The following ASB16 variants were observed in gnomAD, a reference collection of about 807,000 sequenced individuals.
The protein encoded by ASB16 is ankyrin repeat and SOCS box protein 16.
Under a neutral mutation model 39.1 loss-of-function variants are expected in ASB16, and 44 were observed. The observed-to-expected ratio is 1.13, with a 90% CI of 0.88 to 1.45. The LOEUF (loss-of-function observed/expected upper bound fraction) is 1.45, where lower values mean the gene tolerates loss of function less well. Ranked by LOEUF, ASB16 falls within the 40% of genes most tolerant of loss-of-function variation. ASB16 has a pLI of 0.00. For synonymous variants in ASB16, 305 were observed against 286.7 expected, an observed-to-expected ratio of 1.06 and a Z score of -0.64; for missense variants, 698 against 634.5, an observed-to-expected ratio of 1.10 and a Z score of -1.07.
Position 44,177,147 on chromosome 17 carries a change from G to A in ASB16, c.979G>A (p.Ala327Thr). 6.6e-7 allele frequency: 1 copy of A among 1,518,654 alleles called. No homozygotes were observed. The allele number at this position is 1,518,654 out of a possible 1,614,324, so 94.1% of individuals were successfully genotyped here. A position where few individuals can be genotyped will look rare whatever the true frequency, so the allele number is the denominator to read the frequency against. Reference protein sequence around the residue: ...GHTPMDCALQAVQDSPNWEPE... With the variant: ...GHTPMDCALQTVQDSPNWEPE... ...CACGCCCATGGACTGTGCGCTGCAG[G>A]CCGTCCAGGACTCCCCCAACTGGGA... The change falls in exon 3 of 5, where the codon GCC becomes ACC. Residue 327 changes from alanine (A) to threonine (T), a missense_variant. Ala to Thr is a moderately conservative substitution (Grantham distance 58). Coordinates refer to ENST00000293414, the MANE Select transcript of ASB16 (RefSeq NM_080863.5).
intron 1 of ASB16, among the ~76,000 whole-genome samples, 175 bp from the exon 2 acceptor site, chr17:44,171,871 C>T (rs1317563840): frequency 6.6e-6 from 1 of 152,068 alleles, no homozygotes; most frequent in Non-Finnish European, 1.5e-5. Flanking sequence ...CCAATTTATT[C>T]TTCCACTTCA....
intron 1 of ASB16, among the ~76,000 whole-genome samples, chr17:44,171,692 C>A (rs1328742802): frequency 6.6e-6 from 1 of 152,072 alleles, no homozygotes; most frequent in Non-Finnish European, 1.5e-5. Flanking sequence ...CCACCCCAGG[C>A]CCCAAGGTGA....
At position 44,178,471 on chromosome 17, in the gene ASB16, C is replaced by A. The variant is rs2054333253; in HGVS notation, c.*81C>A. 1 of 1,387,730 alleles carries A rather than the reference C, an allele frequency of 7.2e-7. No individual in the cohort carries two copies. Among genetic ancestry groups the A allele is most frequent in the Non-Finnish European group, 9.7e-7 (1 of 1,033,610 alleles). The allele number at this position is 1,387,730 out of a possible 1,614,324, so 86.0% of individuals were successfully genotyped here. A position where few individuals can be genotyped will look rare whatever the true frequency, so the allele number is the denominator to read the frequency against. On this transcript the variant is annotated 3_prime_UTR_variant, in exon 5 of 5. Transcript: ENST00000293414. ...CCAACTGCGGAGGACCAGTTCCTGG[C>A]CCTCTTTTCTTTTCTTTTTGAGACC...
chr17:44,172,163 G>T lies in ASB16; in HGVS notation c.419G>T (p.Arg140Leu). ...LIRQGAELDA[R>L]VGGRAALHEA... ...CGGCAGGGAGCTGAGCTGGATGCCC[G>T]TGTCGGGGGTCGCGCTGCCTTGCAT... The change falls in exon 2 of 5, where the codon CGT becomes CTT. Residue 140 changes from arginine (R) to leucine (L), a missense_variant. Arg to Leu is a moderately radical substitution (Grantham distance 102). Coordinates refer to ENST00000293414, the MANE Select transcript of ASB16 (RefSeq NM_080863.5). The T allele has an allele frequency of 6.2e-7, 1 of 1,612,244 alleles. No individual in the cohort carries two copies. The highest frequency in any genetic ancestry group is 2.2e-5 in the East Asian group (1 of 44,874).
chr17:44,177,510 C>A, intron 3 of ASB16, 99 bp from the exon 4 acceptor site: 1 of 1,445,906 alleles, frequency 6.9e-7, no homozygotes, highest in South Asian at 1.3e-5. Flanking sequence ...GACCTTAGCC[C>A]CCCAGATTAG....
Position 44,170,907 on chromosome 17 carries a change from A to G in ASB16, c.118A>G (p.Arg40Gly), listed in dbSNP as rs748110246. ...RAAAQQCRSR[R>G]CPSSPRARLT... Reference sequence around the variant, plus strand: ...GGCTGCCCAGCAGTGCCGGAGCCGCAGGTGCCCGTCAAGTCCCCGGGCCCG... The same window carrying G: ...GGCTGCCCAGCAGTGCCGGAGCCGCGGGTGCCCGTCAAGTCCCCGGGCCCG... Residue 40 changes from arginine (R) to glycine (G), a missense_variant, in exon 1 of 5, where the codon AGG becomes GGG. By Grantham distance (125) the Arg-to-Gly change is moderately radical (BLOSUM62 -2). Transcript: ENST00000293414. The G allele has an allele frequency of 6.2e-7, 1 of 1,612,386 alleles. No homozygotes were observed. The highest frequency in any genetic ancestry group is 1.7e-5 in the Admixed American group (1 of 59,982).
chr17:44,177,389 GGAGA>G (rs946714348), intron 3 of ASB16, 159 bp downstream of exon 3: 7 of 1,225,522 alleles, frequency 5.7e-6, no homozygotes, highest in Admixed American at 5.9e-5. Context: ...GAGGATTCTG[GGAGA>G]GAGAGTCCAA....
At position 44,177,862 on chromosome 17, in the gene ASB16, A is replaced by C. The variant is rs906279693; in HGVS notation, c.1176+140A>C. On this transcript the variant is annotated intron_variant, in intron 4 of 4. Coordinates refer to ENST00000293414, the MANE Select transcript of ASB16 (RefSeq NM_080863.5). Reference sequence around the variant, plus strand: ...GAGTGGCACCCCTGGGTTTCAGGGTACCCCCTCCCCCGGTACCCCAGGCTG... The same window carrying C: ...GAGTGGCACCCCTGGGTTTCAGGGTCCCCCCTCCCCCGGTACCCCAGGCTG... 8.9e-5 allele frequency: 112 copies of C among 1,258,578 alleles called. 1 individual carries two copies. Among genetic ancestry groups the C allele is most frequent in the Non-Finnish European group, 1.1e-4 (104 of 923,740 alleles). 78.0% of individuals were successfully genotyped at this position (1,258,578 alleles called of 1,614,324 possible).
rs770668467 is a variant in ASB16, at chr17:44,176,680, G to A, written c.570-58G>A. 3.1e-6 allele frequency: 5 copies of A among 1,613,082 alleles called. No homozygotes were observed. The Admixed American group carries it at 6.7e-5, about 22-fold the overall frequency. ...GAAAGGCAAGGGAGTGTCACAGCAA[G>A]CTGAAGGGGTCCCAAGCCTTCAGGA... On this transcript the variant is annotated intron_variant, in intron 2 of 4. Coordinates refer to ENST00000293414, the MANE Select transcript of ASB16 (RefSeq NM_080863.5).
Position 44,178,639 on chromosome 17 carries a change from A to C in ASB16, c.*249A>C. ...AGGCATGAGTCACCACACCTGGCTG[A>C]TTTTGTATTTTTAGTAGAGACAGGG... On this transcript the variant is annotated 3_prime_UTR_variant, in exon 5 of 5. Coordinates refer to ENST00000293414, the MANE Select transcript of ASB16 (RefSeq NM_080863.5). 2 of 516,452 alleles carry C rather than the reference A, an allele frequency of 3.9e-6. No homozygotes were observed. The highest frequency in any genetic ancestry group is 4.6e-5 in the South Asian group (2 of 43,564). 32.0% of individuals were successfully genotyped at this position (516,452 alleles called of 1,614,324 possible).
Position 44,178,211 on chromosome 17 carries a change from G to A in ASB16, c.1183G>A (p.Glu395Lys), listed in dbSNP as rs573677324. The A allele has an allele frequency of 1.2e-6, 2 of 1,613,088 alleles. No homozygotes were observed. The highest frequency in any genetic ancestry group is 1.7e-6 in the Non-Finnish European group (2 of 1,180,004). The change falls in exon 5 of 5, where the codon GAA (glutamate) becomes AAA (lysine). Residue 395 changes from glutamate to lysine, a missense_variant. Physicochemically the swap from Glu to Lys is moderately conservative, Grantham distance 56. Coordinates refer to ENST00000293414, the MANE Select transcript of ASB16 (RefSeq NM_080863.5). Reference protein sequence around the residue: ...AVLPELWKEHEAFYSSALCMV... With the variant: ...AVLPELWKEHKAFYSSALCMV... Reference sequence around the variant, plus strand: ...TCTTTCACTCCTGGCCTAGGAGCACGAAGCCTTCTACAGCTCGGCCCTGTG... The same window carrying A: ...TCTTTCACTCCTGGCCTAGGAGCACAAAGCCTTCTACAGCTCGGCCCTGTG...
Position 44,177,648 on chromosome 17 carries a change from G to C in ASB16, c.1102G>C (p.Val368Leu). Residue 368 changes from valine to leucine, a missense_variant, in exon 4 of 5, where the codon GTC becomes CTC. Coordinates refer to ENST00000293414, the MANE Select transcript of ASB16 (RefSeq NM_080863.5). ...CGCCAACTTCCCTCGGGCCCTGGAA[G>C]TCCTGCTTAATGCCTATCCTTGTGT... ...HCANFPRALE[V>L]LLNAYPCVPS... The C allele has an allele frequency of 6.2e-7, 1 of 1,613,950 alleles. No homozygotes were observed. Among genetic ancestry groups the C allele is most frequent in the South Asian group, 1.1e-5 (1 of 91,082 alleles).
In ASB16 at chr17:44,177,008, C is replaced by A; in HGVS notation, c.840C>A (p.Ala280=). 2 of 1,488,722 alleles carry A rather than the reference C, an allele frequency of 1.3e-6. No individual in the cohort carries two copies. Among genetic ancestry groups the A allele is most frequent in the Non-Finnish European group, 1.8e-6 (2 of 1,131,926 alleles). The allele number at this position is 1,488,722 out of a possible 1,614,324, so 92.2% of individuals were successfully genotyped here. The change falls in exon 3 of 5, where the codon GCC becomes GCA. Residue 280 remains alanine, a synonymous_variant. Transcript: ENST00000293414. ...AGGCTGGAGCTGATGCCCGGGCGGC[C>A]GGGCGCAAGCGCCACACGCCGCTGC... is the stretch of plus-strand genomic sequence containing the variant. ...LLEAGADARA[A]GRKRHTPLHN...
rs752107616 is a variant in ASB16, at chr17:44,170,881, C to T, written c.92C>T (p.Ala31Val). 3.0e-5 allele frequency: 48 copies of T among 1,610,632 alleles called. No individual in the cohort carries two copies. Among genetic ancestry groups the T allele is most frequent in the African/African-American group, 5.3e-5 (4 of 74,872 alleles). ...EWLEWEDRRR[A>V]AAQQCRSRRC... ...CTGGAATGGGAGGACCGGCGGCGGG[C>T]GGCTGCCCAGCAGTGCCGGAGCCGC... Residue 31 changes from alanine to valine, a missense_variant, in exon 1 of 5, where the codon GCG (alanine) becomes GTG (valine). Ala to Val is a moderately conservative substitution (Grantham distance 64). Transcript: ENST00000293414.
At position 44,171,101 on chromosome 17, in the gene ASB16, CCAGAAGAGGG is replaced by C. The variant is rs763637962; in HGVS notation, c.301+21_301+30del. On this transcript the variant is annotated intron_variant, in intron 1 of 4. Coordinates refer to ENST00000293414, the MANE Select transcript of ASB16 (RefSeq NM_080863.5). Reference sequence around the variant, plus strand: ...GGTCGGCTGAACAGGGTAGGGGGCACCAGAAGAGGGCAGAAGAGGAGGGAGAAAGAAGGGG... The same window carrying C: ...GGTCGGCTGAACAGGGTAGGGGGCACCAGAAGAGGAGGGAGAAAGAAGGGG... 1.9e-6 allele frequency: 3 copies of C among 1,608,278 alleles called. No individual in the cohort carries two copies. Among genetic ancestry groups the C allele is most frequent in the Non-Finnish European group, 2.6e-6 (3 of 1,176,458 alleles).
At chr17:44,177,960 C>T in intron 4 of ASB16, 3 of 681,358 alleles carry the variant, frequency 4.4e-6, no homozygotes, top group Non-Finnish European at 7.5e-6. Context: ...CATCTCTTAA[C>T]TTGGTGGGCA....
At chr17:44,175,840 T>C (rs2054283367) in intron 2 of ASB16, 1 of 152,100 alleles carries the variant, frequency 6.6e-6, no homozygotes, top group Non-Finnish European at 1.5e-5. Flanking sequence ...TTTCCTTTGG[T>C]TTTGTTTGTT....
At chr17:44,173,645 T>C (rs1045527864) in intron 2 of ASB16, among the ~76,000 whole-genome samples, 1 of 151,924 alleles carries the variant, frequency 6.6e-6, no homozygotes, top group Non-Finnish European at 1.5e-5. Context: ...CTGGGAAACA[T>C]AGTGAGACCC....
At chr17:44,177,409 G>GGAAGAGCC in intron 3 of ASB16, 179 bp downstream of exon 3, 1 of 1,167,832 alleles carries the variant, frequency 8.6e-7, no homozygotes, top group South Asian at 1.7e-5. Context: ...TCCAAGGGAG[G>GGAAGAGCC]GAAGAGCCCC....
Sources: allele counts gnomAD v4.1 joint callset (sites outside exome capture counted in the v4.1 genomes callset), GRCh38; gene constraint gnomAD v4.1.1; transcripts MANE v1.5; gene names NCBI Gene and HGNC (gene_info 2026-07-23, HGNC 2026-07-21).